The following TJP1 variants were observed in gnomAD, a reference collection of about 807,000 sequenced individuals.
TJP1 encodes tight junction protein ZO-1.
Under a neutral mutation model 194.2 loss-of-function variants are expected in TJP1, and 43 were observed. The ratio of observed to expected loss-of-function variants is 0.22; its 90% CI spans 0.17 to 0.29. The LOEUF is 0.29. Among genes scored for constraint, TJP1 ranks in the 10% least tolerant of loss-of-function variants. TJP1 has a pLI of 1.00. For synonymous variants in TJP1, 801 were observed against 779.0 expected, an observed-to-expected ratio of 1.03 and a Z score of -0.47; for missense variants, 1,971 against 2,185.7, an observed-to-expected ratio of 0.90 and a Z score of 1.96.
At chr15:29,787,569 T>C (rs547723576) in intron 2 of TJP1, among the ~76,000 whole-genome samples, 48 of 152,218 alleles carry the variant, frequency 3.2e-4, no homozygotes, top group Non-Finnish European at 5.7e-4. Flanking sequence ...TCACCTATTC[T>C]GAATACTTCT....
At chr15:29,743,744 GA>G (rs1301370287) in intron 8 of TJP1, among the ~76,000 whole-genome samples, 3 of 151,932 alleles carry the variant, frequency 2.0e-5, no homozygotes, top group Non-Finnish European at 4.4e-5. Context: ...AAGAAAAAAA[GA>G]ACTATAAATC....
chr15:29,949,895 TCCACAACCA>T (rs2055591195), intron 2 of TJP1, among the ~76,000 whole-genome samples: 5 of 65,232 alleles, frequency 7.7e-5, no homozygotes, highest in Admixed American at 1.7e-4. Flanking sequence ...CACCTCCACC[TCCACAACCA>T]CCACCTCCAC....
At chr15:29,746,735 T>G (rs928464329) in intron 8 of TJP1, among the ~76,000 whole-genome samples, 3 of 152,146 alleles carry the variant, frequency 2.0e-5, no homozygotes, top group African/African-American at 7.2e-5. Context: ...ACGTATATTA[T>G]TAGTAGTCTC....
At position 29,872,627 on chromosome 15, in the gene TJP1, G is replaced by C. The variant is rs188895730; in HGVS notation, c.307-71925C>G. Reference sequence around the variant, plus strand: ...TCAATGGTGGTGAAGTTCTAGGTAAGAGCTTTAAGCGAAACGATGGAAAAA... The same window carrying C: ...TCAATGGTGGTGAAGTTCTAGGTAACAGCTTTAAGCGAAACGATGGAAAAA... On this transcript the variant is annotated intron_variant, in intron 2 of 28. Transcript: ENST00000356107. Among the ~76,000 whole-genome samples, 480 of 135,708 alleles carry C rather than the reference G, an allele frequency of 3.5e-3. 2 individuals carry two copies. Among genetic ancestry groups the C allele is most frequent in the African/African-American group, 0.014 (463 of 32,722 alleles). The allele number at this position is 135,708 out of a possible 152,430, so 89.0% of individuals were successfully genotyped here. A position where few individuals can be genotyped will look rare whatever the true frequency, so the allele number is the denominator to read the frequency against.
intron 8 of TJP1, 175 bp from the exon 9 acceptor site, chr15:29,742,956 A>G (rs2044522356): frequency 2.2e-6 from 1 of 461,278 alleles, no homozygotes; most frequent in Non-Finnish European, 3.5e-6. Context: ...CCACAGAAAA[A>G]CCAAATAGAT....
intron 2 of TJP1, among the ~76,000 whole-genome samples, chr15:29,789,310 G>A (rs1446743816): frequency 6.6e-6 from 1 of 152,144 alleles, no homozygotes; most frequent in African/African-American, 2.4e-5. Flanking sequence ...ATAGAAAACG[G>A]ACTTAAGATT....
rs1435751324 is a variant in TJP1, at chr15:29,718,614, C to T, written c.3528G>A (p.Gln1176=). Residue 1176 remains glutamine, a synonymous_variant, in exon 21 of 28, where the codon CAG becomes CAA. Coordinates refer to ENST00000614355, the MANE Select transcript of TJP1 (RefSeq NM_001330239.4). The part of the protein sequence containing the change: ...DTHGRLRPEA[Q]PHPSAGPKPA... The stretch of plus-strand genomic sequence containing the variant: ...GCTTGGGCCCTGCTGAAGGGTGGGG[C>T]TGGGCTTCCGGTCTGAGTCTACCAT... 3.1e-6 allele frequency: 5 copies of T among 1,614,024 alleles called. No individual in the cohort carries two copies. The highest frequency in any genetic ancestry group is 4.2e-6 in the Non-Finnish European group (5 of 1,180,040).
At chr15:29,716,581 T>C in intron 23 of TJP1, 30 bp downstream of exon 23, 1 of 1,526,408 alleles carries the variant, frequency 6.6e-7, no homozygotes, top group African/African-American at 1.4e-5. Context: ...TGCTGCATCC[T>C]ATTTTTAAAA....
At chr15:29,827,113 G>C (rs1268540974), upstream of TJP1, among the ~76,000 whole-genome samples, 3 of 152,224 alleles carry the variant, frequency 2.0e-5, no homozygotes, top group Admixed American at 2.0e-4. Flanking sequence ...CAAACGGGCA[G>C]TGTCACTTTC....
At chr15:29,838,582 T>C (rs1473203492) in intron 2 of TJP1, among the ~76,000 whole-genome samples, 1 of 149,774 alleles carries the variant, frequency 6.7e-6, no homozygotes, top group African/African-American at 2.5e-5. Context: ...GTTATTCAGA[T>C]TTCACCTGTT....
chr15:29,968,570 C>T (rs1270107038), intron 1 of TJP1: 1 of 843,828 alleles, frequency 1.2e-6, no homozygotes, highest in African/African-American at 1.8e-5. Context: ...TCGCCCCCCG[C>T]CCGACCGCCC....
intron 27 of TJP1, among the ~76,000 whole-genome samples, chr15:29,703,932 G>A (rs1204216689): frequency 1.3e-5 from 2 of 152,100 alleles, no homozygotes; most frequent in African/African-American, 2.4e-5. Context: ...CATGAGCCAC[G>A]GCGCCCGGCC....
intron 3 of TJP1, among the ~76,000 whole-genome samples, chr15:29,772,851 G>A (rs1463626973): frequency 6.6e-6 from 1 of 152,120 alleles, no homozygotes; most frequent in African/African-American, 2.4e-5. Context: ...TGCAGCCTCA[G>A]ATTCTTAAGT....
intron 1 of TJP1, among the ~76,000 whole-genome samples, chr15:29,958,707 G>A (rs2056042066): frequency 6.6e-6 from 1 of 151,884 alleles, no homozygotes; most frequent in African/African-American, 2.4e-5. Flanking sequence ...CAACACCTAG[G>A]GCTCATGAGT....
At chr15:29,845,329 A>G (rs1269777119) in intron 2 of TJP1, among the ~76,000 whole-genome samples, 1 of 152,208 alleles carries the variant, frequency 6.6e-6, no homozygotes, top group Non-Finnish European at 1.5e-5. Flanking sequence ...TGGATTTTCC[A>G]GCTTAAACTG....
chr15:29,748,922 ATGTGTG>A lies in TJP1; in HGVS notation c.1011-6147_1011-6142del, dbSNP rs112772922. 5.3e-3 allele frequency among the ~76,000 whole-genome samples: 555 copies of A among 104,690 alleles called. 5 individuals carry two copies. The highest frequency in any genetic ancestry group is 0.05 in the East Asian group (149 of 3,010). The allele number at this position is 104,690 out of a possible 152,430, so 68.7% of individuals were successfully genotyped here. ...TGGCTCTCCATATTTAAGCTTAAAA[ATGTGTG>A]TGTGTGTGTGTGTGTGTGTGTGTGT... On this transcript the variant is annotated intron_variant, in intron 8 of 27. Coordinates refer to ENST00000614355, the MANE Select transcript of TJP1 (RefSeq NM_001330239.4).
At chr15:29,906,649 A>T (rs896328790) in intron 2 of TJP1, among the ~76,000 whole-genome samples, 3 of 151,704 alleles carry the variant, frequency 2.0e-5, no homozygotes, top group Non-Finnish European at 2.9e-5. Context: ...GTGCAATCTC[A>T]GCTCACTCCA....
chr15:29,784,504 G>A (rs1395392246), intron 2 of TJP1, among the ~76,000 whole-genome samples: 4 of 151,816 alleles, frequency 2.6e-5, no homozygotes, highest in Non-Finnish European at 4.4e-5. Context: ...GGGTTTCGCC[G>A]TGTTGGCCAG....
At chr15:29,828,897 C>G (rs2050752027) in intron 2 of TJP1, among the ~76,000 whole-genome samples, 1 of 152,012 alleles carries the variant, frequency 6.6e-6, no homozygotes, top group South Asian at 2.1e-4. Context: ...CAATGCCTGG[C>G]TAGGTTTTTT....
Sources: allele counts gnomAD v4.1 joint callset (sites outside exome capture counted in the v4.1 genomes callset), GRCh38; gene constraint gnomAD v4.1.1; transcripts MANE v1.5; gene names NCBI Gene and HGNC (gene_info 2026-07-23, HGNC 2026-07-21).